Variants in KIAA1586 observed in about 807,000 individuals in gnomAD.
KIAA1586 encodes the protein E3 SUMO-protein ligase KIAA1586.
A neutral mutation model predicts 6.1 loss-of-function variants in KIAA1586; 5 were observed. That is an observed-to-expected ratio of 0.82 (90% confidence interval 0.43 to 1.73). The LOEUF (loss-of-function observed/expected upper bound fraction) is 1.73. Ranked by LOEUF, KIAA1586 falls within the 40% of genes most tolerant of loss-of-function variation. The probability of loss-of-function intolerance (pLI) is 0.02; values close to 1 mark genes in which losing one functional copy is unlikely to be tolerated. For synonymous variants in KIAA1586, 280 were observed against 301.7 expected (o/e 0.93, Z 0.75); for missense variants, 899 against 878.2 (o/e 1.02, Z -0.30).
rs749128745 is a variant in KIAA1586, at chr6:57,046,746, C to T, written c.-10C>T. 1.2e-6 allele frequency: 2 copies of T among 1,612,794 alleles called. No individual in the cohort carries two copies. The highest frequency in any genetic ancestry group is 1.7e-5 in the Admixed American group (1 of 59,946). Reference sequence around the variant, plus strand: ...GGAGCAGTGGTGCTGTCAGCGCGGCCGTCGGAGACATGGGAGACCCGGGGT... The same window carrying T: ...GGAGCAGTGGTGCTGTCAGCGCGGCTGTCGGAGACATGGGAGACCCGGGGT... On this transcript the variant is annotated 5_prime_UTR_variant, in exon 1 of 4. Transcript: ENST00000370733.
downstream of KIAA1586, among the ~76,000 whole-genome samples, chr6:57,057,635 T>C (rs1432958827): frequency 1.3e-5 from 2 of 151,888 alleles, no homozygotes; most frequent in Non-Finnish European, 2.9e-5. Flanking sequence ...GTGCCTGTAG[T>C]CCCAGCTACT....
chr6:57,048,389 T>C (rs1828237549), intron 2 of KIAA1586, among the ~76,000 whole-genome samples: 1 of 152,212 alleles, frequency 6.6e-6, no homozygotes, highest in Non-Finnish European at 1.5e-5. Context: ...CCCTAAACAT[T>C]GTTTTGTTAA....
Position 57,054,854 on chromosome 6 carries a change from C to T in KIAA1586, c.2355C>T (p.Asn785=). The T allele has an allele frequency of 6.5e-7, 1 of 1,545,946 alleles. No homozygotes were observed. The highest frequency in any genetic ancestry group is 1.7e-4 in the Middle Eastern group (1 of 5,954). The change falls in exon 4 of 4, where the codon AAC becomes AAT. Residue 785 remains asparagine (N), a synonymous_variant. Transcript: ENST00000370733. ...VFHENQLAIW[N]LK is the part of the protein sequence containing the mutation. Reference sequence around the variant, plus strand: ...ATGAGAATCAATTGGCTATATGGAACTTAAAATAGAATATTGTATACGTTT... The same window carrying T: ...ATGAGAATCAATTGGCTATATGGAATTTAAAATAGAATATTGTATACGTTT...
chr6:57,058,983 A>G (rs559577154), downstream of KIAA1586, among the ~76,000 whole-genome samples: 103 of 152,302 alleles, frequency 6.8e-4, 1 homozygote, highest in African/African-American at 2.3e-3. Flanking sequence ...AAAAAGATGA[A>G]TGGGATTTTT....
At chr6:57,058,648 CCTAGACAA>C (rs1323651601), downstream of KIAA1586, among the ~76,000 whole-genome samples, 1 of 152,034 alleles carries the variant, frequency 6.6e-6, no homozygotes, top group Non-Finnish European at 1.5e-5. Flanking sequence ...TTGTGCCTGT[CCTAGACAA>C]GTACTAGAGT....
In KIAA1586 at chr6:57,053,375, A is replaced by G; in HGVS notation, c.876A>G (p.Ala292=). ...CACGTTACAGTGCAACAAGAATAGC[A>G]GAACATATTGCAAAAGAAATGAAGA... ...LNTRYSATRI[A]EHIAKEMKMK... is the part of the protein sequence containing the mutation. Residue 292 remains alanine (A), a synonymous_variant, in exon 4 of 4, where the codon GCA becomes GCG. Coordinates refer to ENST00000370733, the MANE Select transcript of KIAA1586 (RefSeq NM_020931.4). 6.2e-7 allele frequency: 1 copy of G among 1,610,708 alleles called. No individual in the cohort carries two copies. The highest frequency in any genetic ancestry group is 8.5e-7 in the Non-Finnish European group (1 of 1,178,636).
rs377436738 is a variant in KIAA1586 at position 57,054,561 on chromosome 6, A to G, written c.2062A>G (p.Thr688Ala). 15 of 1,606,692 alleles carry G rather than the reference A, an allele frequency of 9.3e-6. No homozygotes were observed. The highest frequency in any genetic ancestry group is 6.7e-5 in the East Asian group (3 of 44,752). ...AAAATCAAACAATGTTTCAATTCCT[A>G]CAACTATATACAAAGCTAAAAAGAT... ...NIKSNNVSIP[T>A]TIYKAKKIVS... is the part of the protein sequence containing the mutation. The change falls in exon 4 of 4, where the codon ACA becomes GCA. Residue 688 changes from threonine (T) to alanine (A), a missense_variant. Thr to Ala is a moderately conservative substitution (Grantham distance 58). Transcript: ENST00000370733.
the KIAA1586 span, among the ~76,000 whole-genome samples, chr6:57,062,803 C>G: frequency 6.6e-6 from 1 of 152,152 alleles, no homozygotes; most frequent in African/African-American, 2.4e-5. Context: ...GTAATCTTAG[C>G]ACTTTGGGAG....
chr6:57,058,238 G>A (rs1045956647), downstream of KIAA1586, among the ~76,000 whole-genome samples: 5 of 152,100 alleles, frequency 3.3e-5, no homozygotes, highest in African/African-American at 4.8e-5. Flanking sequence ...AAACAAACTT[G>A]ATGTTTCTGT....
downstream of KIAA1586, among the ~76,000 whole-genome samples, chr6:57,059,476 A>G (rs777562760): frequency 1.3e-5 from 2 of 151,868 alleles, no homozygotes; most frequent in Non-Finnish European, 2.9e-5. Flanking sequence ...CTGTAGTCCC[A>G]GCTACTCGGG....
Position 57,054,796 on chromosome 6 carries a change from C to A in KIAA1586, c.2297C>A (p.Thr766Lys), listed in dbSNP as rs778225953. The change falls in exon 4 of 4, where the codon ACA becomes AAA. Residue 766 changes from threonine (T) to lysine (K), a missense_variant. Physicochemically the swap from Thr to Lys is moderately conservative, Grantham distance 78 (BLOSUM62 -1). Coordinates refer to ENST00000370733, the MANE Select transcript of KIAA1586 (RefSeq NM_020931.4). ...TGCAACCACAGGTTGGCTACAGATA[C>A]AAGAGTTCGGCAAAAGTCAACAAAA... ...SNCNHRLATD[T>K]RVRQKSTKVF... 3.5e-5 allele frequency: 54 copies of A among 1,551,136 alleles called. No individual in the cohort carries two copies. Among genetic ancestry groups the A allele is most frequent in the Non-Finnish European group, 4.5e-5 (52 of 1,146,752 alleles).
intron 2 of KIAA1586, among the ~76,000 whole-genome samples, chr6:57,050,430 A>G (rs1288137915): frequency 6.7e-6 from 1 of 148,764 alleles, no homozygotes; most frequent in Non-Finnish European, 1.5e-5. Flanking sequence ...TGATCCTCTC[A>G]CCTCAGCCTC....
rs752304659 is a variant in KIAA1586, at chr6:57,046,815, G to T, written c.21+39G>T. On this transcript the variant is annotated intron_variant, in intron 1 of 3. Transcript: ENST00000370733. ...TGAGGGTCCTGGCGTTCTCAGAGGC[G>T]AACCGCGAAGGGTTTGTGTTTTCTG... The T allele has an allele frequency of 1.3e-5, 21 of 1,604,520 alleles. 1 individual carries two copies. In the South Asian group the frequency reaches 2.3e-4, roughly 18 times the overall value.
Position 57,055,051 on chromosome 6 carries a change from T to C in KIAA1586, c.*188T>C, listed in dbSNP as rs1487194503. On this transcript the variant is annotated 3_prime_UTR_variant, in exon 4 of 4. Transcript: ENST00000370733. ...CTATAGTTTTTTAGAGATTGGCCCA[T>C]GTTTGCTAGAGTGGGTCATAATACA... 1.7e-5 allele frequency: 10 copies of C among 598,018 alleles called. No individual in the cohort carries two copies. Among genetic ancestry groups the C allele is most frequent in the Non-Finnish European group, 2.1e-5 (8 of 372,466 alleles). 37.0% of individuals were successfully genotyped at this position (598,018 alleles called of 1,614,324 possible).
At chr6:57,056,643 C>G (rs1408472224), downstream of KIAA1586, among the ~76,000 whole-genome samples, 1 of 150,284 alleles carries the variant, frequency 6.7e-6, no homozygotes, top group Non-Finnish European at 1.5e-5. Flanking sequence ...CCCAAGCAGT[C>G]CTCCCACCTC....
At chr6:57,050,301 T>G (rs1182776567) in intron 2 of KIAA1586, among the ~76,000 whole-genome samples, 1 of 151,840 alleles carries the variant, frequency 6.6e-6, no homozygotes, top group East Asian at 1.9e-4. Flanking sequence ...TCATGTACTC[T>G]GACTCTTTTC....
chr6:57,063,518 A>G, the KIAA1586 span, among the ~76,000 whole-genome samples: 1 of 145,878 alleles, frequency 6.9e-6, no homozygotes, highest in African/African-American at 2.6e-5. Context: ...CAGTGGCACA[A>G]TCTCGGCTCA....
the KIAA1586 span, among the ~76,000 whole-genome samples, chr6:57,062,487 G>A: frequency 6.6e-6 from 1 of 152,292 alleles, no homozygotes; most frequent in Middle Eastern, 3.4e-3. Context: ...CAAGATTTCA[G>A]AGCATTTCAA....
chr6:57,053,619 G>A lies in KIAA1586; in HGVS notation c.1120G>A (p.Gly374Ser), dbSNP rs1335847946. The A allele has an allele frequency of 6.2e-7, 1 of 1,610,550 alleles. No homozygotes were observed. The highest frequency in any genetic ancestry group is 8.5e-7 in the Non-Finnish European group (1 of 1,177,756). Reference protein sequence around the residue: ...NTLLTTLNDCGFTNEYLKANL... With the variant: ...NTLLTTLNDCSFTNEYLKANL... ...ATTATTGACTACTTTAAATGATTGTGGTTTTACAAATGAATATTTGAAAGC... is the reference window on the plus strand; with the variant it reads ...ATTATTGACTACTTTAAATGATTGTAGTTTTACAAATGAATATTTGAAAGC... Residue 374 changes from glycine (G) to serine (S), a missense_variant, in exon 4 of 4, where the codon GGT becomes AGT. Transcript: ENST00000370733.
Sources: allele counts gnomAD v4.1 joint callset (sites outside exome capture counted in the v4.1 genomes callset), GRCh38; gene constraint gnomAD v4.1.1; transcripts MANE v1.5; gene names NCBI Gene and HGNC (gene_info 2026-07-23, HGNC 2026-07-21).